Variants in HMCN2 observed in about 807,000 individuals in gnomAD.
HMCN2 encodes hemicentin 2.
A neutral mutation model predicts 377.5 loss-of-function variants in HMCN2; 325 were observed. That is an observed-to-expected ratio of 0.86 (90% CI 0.79 to 0.94). The LOEUF is 0.94. Among genes scored for constraint, HMCN2 ranks in the 40% least tolerant of loss-of-function variants. The pLI, the probability that HMCN2 is intolerant of heterozygous loss-of-function variation, is 0.00. For missense variants in HMCN2, 4,543 were observed against 4,725.3 expected (o/e 0.96, Z 1.13); for synonymous variants, 2,007 against 2,046.8 (o/e 0.98, Z 0.53).
At chr9:130,327,988 C>T (rs1041604482) in intron 22 of HMCN2, among the ~76,000 whole-genome samples, 9 of 152,290 alleles carry the variant, frequency 5.9e-5, no homozygotes, top group African/African-American at 1.7e-4. Flanking sequence ...TTCAAAGCCA[C>T]GCCGTACCCC....
intron 73 of HMCN2, 36 bp from the exon 74 acceptor site, chr9:130,397,492 C>G: frequency 7.8e-7 from 1 of 1,288,104 alleles, no homozygotes; most frequent in Non-Finnish European, 1.0e-6. Context: ...ACCCCACTGG[C>G]TTGCTCATCT....
intron 12 of HMCN2, 39 bp from the exon 13 acceptor site, chr9:130,306,772 C>A (rs782458886): frequency 4.4e-6 from 2 of 449,898 alleles, no homozygotes; most frequent in Non-Finnish European, 9.4e-6. Flanking sequence ...TGGATCAACC[C>A]CTTTTGTGAC....
In HMCN2 at chr9:130,303,875, C is replaced by T. The variant is rs1171325425; in HGVS notation, c.1543+267C>T. Among the ~76,000 whole-genome samples the T allele has an allele frequency of 2.6e-5, 4 of 152,286 alleles. No individual in the cohort carries two copies. Among genetic ancestry groups the T allele is most frequent in the East Asian group, 1.9e-4 (1 of 5,180 alleles). On this transcript the variant is annotated intron_variant, in intron 10 of 97. Transcript: ENST00000683500. This position sits in a 1 kb window ranked among gnomAD's most constrained non-coding sequence, Gnocchi z 5.2. ...AGCTTTGATCCCAACTCTGACTTCT[C>T]GGGGCTCGGCTTTCAGGGGCCGCCA...
chr9:130,341,924 C>T (rs1660068282), intron 24 of HMCN2, among the ~76,000 whole-genome samples: 1 of 151,786 alleles, frequency 6.6e-6, no homozygotes, highest in Admixed American at 6.6e-5. Context: ...GCCTGTAATC[C>T]CAGCAATTTG....
At position 130,299,050 on chromosome 9, in the gene HMCN2, T is replaced by C. The variant is rs1554933182; in HGVS notation, c.1038T>C (p.Asn346=). ...GAGTCCCCATCTCCCTGGTGATCAATTCCACGGGCCTGAAGGCACCCGGCC... is the reference window on the plus strand; with the variant it reads ...GAGTCCCCATCTCCCTGGTGATCAACTCCACGGGCCTGAAGGCACCCGGCC... ...LQGVPISLVI[N]STGLKAPGRL... is the part of the protein sequence containing the mutation. Residue 346 remains asparagine, a synonymous_variant, in exon 8 of 98, where the codon AAT becomes AAC. Coordinates refer to ENST00000683500, the MANE Select transcript of HMCN2 (RefSeq NM_001291815.2). The C allele has an allele frequency of 2.1e-6, 1 of 470,738 alleles. No homozygotes were observed. Among genetic ancestry groups the C allele is most frequent in the Admixed American group, 2.3e-5 (1 of 42,558 alleles). 29.2% of individuals were successfully genotyped at this position (470,738 alleles called of 1,614,324 possible).
rs964978297 is a variant in HMCN2 at position 130,394,102 on chromosome 9, C to T, written c.10501+94C>T. On this transcript the variant is annotated intron_variant, in intron 68 of 97. Transcript: ENST00000683500. This position sits in a 1 kb window ranked among gnomAD's most constrained non-coding sequence, Gnocchi z 5.1. ...GAAGGACAGTGAGGGAGGTGAGTCC[C>T]CTGGAGACCTGGGACTGCCACCTGG... is the stretch of plus-strand genomic sequence containing the variant. The T allele has an allele frequency of 9.0e-7, 1 of 1,112,082 alleles. No individual in the cohort carries two copies. Among genetic ancestry groups the T allele is most frequent in the African/African-American group, 1.6e-5 (1 of 60,768 alleles). The allele number at this position is 1,112,082 out of a possible 1,614,324, so 68.9% of individuals were successfully genotyped here. A position where few individuals can be genotyped will look rare whatever the true frequency, so the allele number is the denominator to read the frequency against.
rs116343449 is a variant in HMCN2, at chr9:130,354,893, G to T, written c.4995G>T (p.Leu1665=). 2 of 1,304,248 alleles carry T rather than the reference G, an allele frequency of 1.5e-6. No homozygotes were observed. Among genetic ancestry groups the T allele is most frequent in the Non-Finnish European group, 2.0e-6 (2 of 988,944 alleles). 80.8% of individuals were successfully genotyped at this position (1,304,248 alleles called of 1,614,324 possible). ...SPTLSWHHEG[L]PVAESNESRL... is the part of the protein sequence containing the mutation. ...CCCTCTCCTGGCACCACGAGGGGCT[G>T]CCCGTGGCAGAGAGCAACGAGTCGC... Residue 1665 remains leucine, a synonymous_variant, in exon 32 of 98, where the codon CTG becomes CTT. Coordinates refer to ENST00000683500, the MANE Select transcript of HMCN2 (RefSeq NM_001291815.2).
At chr9:130,329,718 C>T (rs1430677507) in intron 22 of HMCN2, among the ~76,000 whole-genome samples, 1 of 152,160 alleles carries the variant, frequency 6.6e-6, no homozygotes, top group East Asian at 1.9e-4. Context: ...GCTGGGATTA[C>T]AGGCGTGAGC....
chr9:130,365,286 C>T (rs1416288355), intron 41 of HMCN2, among the ~76,000 whole-genome samples: 1 of 152,270 alleles, frequency 6.6e-6, no homozygotes, highest in African/African-American at 2.4e-5. Flanking sequence ...TCCACCTTCT[C>T]TTCGGGTCTG....
At chr9:130,383,416 TG>T in intron 56 of HMCN2, 87 bp from the exon 57 acceptor site, 1 of 511,350 alleles carries the variant, frequency 2.0e-6, no homozygotes, top group Non-Finnish European at 2.5e-6. Flanking sequence ...TGGCATGGGA[TG>T]GGAGGGATTC....
Position 130,299,056 on chromosome 9 carries a change from G to C in HMCN2, c.1044G>C (p.Thr348=), listed in dbSNP as rs782424000. 1 of 470,674 alleles carries C rather than the reference G, an allele frequency of 2.1e-6. No individual in the cohort carries two copies. Among genetic ancestry groups the C allele is most frequent in the South Asian group, 1.5e-5 (1 of 64,532 alleles). 29.2% of individuals were successfully genotyped at this position (470,674 alleles called of 1,614,324 possible). ...GVPISLVINS[T]GLKAPGRLDS... is the part of the protein sequence containing the mutation. The stretch of plus-strand genomic sequence containing the variant: ...CCATCTCCCTGGTGATCAATTCCAC[G>C]GGCCTGAAGGCACCCGGCCGCCTAG... The change falls in exon 8 of 98, where the codon ACG becomes ACC. Residue 348 remains threonine (T), a synonymous_variant. Coordinates refer to ENST00000683500, the MANE Select transcript of HMCN2 (RefSeq NM_001291815.2).
At position 130,424,889 on chromosome 9, in the gene HMCN2, G is replaced by T; in HGVS notation, c.13495G>T (p.Glu4499Ter). Residue 4499 changes from glutamate to a stop codon, truncating the protein, a stop_gained, in exon 88 of 98, where the codon GAG becomes TAG. Transcript: ENST00000683500. LOFTEE classifies it high-confidence loss of function. ...HSLTGGRFRQESHVEFATGEL... is the reference protein window; with the variant it reads ...HSLTGGRFRQ ...TCTGACTGGGGGCAGGTTCCGGCAG[G>T]AGTCACACGTGGAGTTTGCTACAGG... 2 of 1,460,224 alleles carry T rather than the reference G, an allele frequency of 1.4e-6. No homozygotes were observed. Among genetic ancestry groups the T allele is most frequent in the Non-Finnish European group, 1.8e-6 (2 of 1,100,806 alleles). 90.5% of individuals were successfully genotyped at this position (1,460,224 alleles called of 1,614,324 possible). A position where few individuals can be genotyped will look rare whatever the true frequency, so the allele number is the denominator to read the frequency against.
Position 130,395,377 on chromosome 9 carries a change from G to A in HMCN2, c.10911+30G>A, listed in dbSNP as rs550307380. The A allele has an allele frequency of 1.7e-5, 22 of 1,274,858 alleles. No homozygotes were observed. In the African/African-American group the frequency reaches 3.4e-4, roughly 19 times the overall value. The allele number at this position is 1,274,858 out of a possible 1,614,324, so 79.0% of individuals were successfully genotyped here. A position where few individuals can be genotyped will look rare whatever the true frequency, so the allele number is the denominator to read the frequency against. On this transcript the variant is annotated intron_variant, in intron 71 of 97. Coordinates refer to ENST00000683500, the MANE Select transcript of HMCN2 (RefSeq NM_001291815.2). ...GCGCCAGGCAGGGCCCCAGGGTGCT[G>A]CCTTCTGTCCCGCTCAGGCCTCAGA...
chr9:130,373,467 T>C (rs1841155913), intron 48 of HMCN2, among the ~76,000 whole-genome samples: 7 of 152,152 alleles, frequency 4.6e-5, no homozygotes, highest in Admixed American at 4.6e-4. Context: ...CATAGTGGCC[T>C]TGTGGCATCT....
intron 37 of HMCN2, 72 bp downstream of exon 37, chr9:130,359,486 C>A: frequency 1.4e-6 from 1 of 723,898 alleles, no homozygotes; most frequent in Non-Finnish European, 2.1e-6. Context: ...GCGAGTGACC[C>A]AGGGACTCTC....
chr9:130,409,221 C>A, intron 84 of HMCN2, among the ~76,000 whole-genome samples: 1 of 152,194 alleles, frequency 6.6e-6, no homozygotes, highest in Non-Finnish European at 1.5e-5. Flanking sequence ...TAAGAGTGAT[C>A]TGTGGGTAAT....
chr9:130,281,343 G>A (rs112293362), intron 1 of HMCN2, among the ~76,000 whole-genome samples: 6 of 151,738 alleles, frequency 4.0e-5, no homozygotes, highest in African/African-American at 1.2e-4. Context: ...AGACTTGGAC[G>A]CCAGCACTTT....
At chr9:130,342,943 C>G (rs959083538) in intron 25 of HMCN2, among the ~76,000 whole-genome samples, 1 of 152,094 alleles carries the variant, frequency 6.6e-6, no homozygotes, top group African/African-American at 2.4e-5. Context: ...TGCCCAGCGC[C>G]GAACCCTGCC....
At chr9:130,419,774 T>C (rs1337825439) in intron 86 of HMCN2, among the ~76,000 whole-genome samples, 1 of 151,592 alleles carries the variant, frequency 6.6e-6, no homozygotes, top group Non-Finnish European at 1.5e-5. Context: ...TATCACCACA[T>C]GCGTTGGCAG....
Sources: gnomAD v4.1 joint callset for allele counts (sites outside exome capture counted in the v4.1 genomes callset) on GRCh38, gnomAD v4.1.1 for gene constraint, Gnocchi (gnomAD v3.1) non-coding constraint, MANE v1.5 for transcripts, NCBI Gene and HGNC (gene_info 2026-07-23, HGNC 2026-07-21) for gene names.